The following CLEC16A variants were observed in gnomAD, a reference collection of about 807,000 sequenced individuals.
CLEC16A encodes the protein protein CLEC16A.
In CLEC16A, 51 loss-of-function variants were observed where a neutral mutation model predicts 109.5. That is an observed-to-expected ratio of 0.47 (90% CI 0.37 to 0.59). CLEC16A has a LOEUF of 0.59. Among genes scored for constraint, CLEC16A ranks in the 20% least tolerant of loss-of-function variants. CLEC16A has a pLI of 0.00. For synonymous variants in CLEC16A, 673 were observed against 564.2 expected (o/e 1.19, Z -2.73); for missense variants, 1,339 against 1,394.0 (o/e 0.96, Z 0.63).
intron 19 of CLEC16A, among the ~76,000 whole-genome samples, chr16:11,068,976 G>A (rs2048910437): frequency 6.7e-6 from 1 of 150,236 alleles, no homozygotes; most frequent in Admixed American, 6.6e-5. Context: ...CATCACGCCT[G>A]GCTAATTTTC....
chr16:11,033,993 A>AC (rs779677841), intron 13 of CLEC16A, among the ~76,000 whole-genome samples: 27 of 152,096 alleles, frequency 1.8e-4, no homozygotes, highest in Non-Finnish European at 2.8e-4. Context: ...TCAGTGACCA[A>AC]CCTTCTACTC....
rs2068841691 is a variant in CLEC16A at position 11,178,342 on chromosome 16, C to G, written c.2814C>G (p.Pro938=). The G allele has an allele frequency of 6.2e-7, 1 of 1,605,166 alleles. No individual in the cohort carries two copies. The highest frequency in any genetic ancestry group is 8.5e-7 in the Non-Finnish European group (1 of 1,173,072). Residue 938 remains proline (P), a synonymous_variant, in exon 24 of 24, where the codon CCC becomes CCG. Coordinates refer to ENST00000409790, the MANE Select transcript of CLEC16A (RefSeq NM_015226.3). The surrounding 1 kb of genome is among the most constrained non-coding windows in gnomAD (Gnocchi z 6.5). Reference sequence around the variant, plus strand: ...TTTTCTCCCCCAATCCAGATGCCCCCATGAGTCCAGAACTGCCTAAGCCTC... The same window carrying G: ...TTTTCTCCCCCAATCCAGATGCCCCGATGAGTCCAGAACTGCCTAAGCCTC... ...PSTAQSPADA[P]MSPELPKPHL...
At chr16:11,140,489 A>G (rs748810991) in intron 22 of CLEC16A, among the ~76,000 whole-genome samples, 45 of 152,334 alleles carry the variant, frequency 3.0e-4, no homozygotes, top group Admixed American at 1.9e-3. Flanking sequence ...GGCTCAGCAC[A>G]GTGGTCTAGC....
At chr16:11,166,188 A>C (rs1443427066) in intron 22 of CLEC16A, among the ~76,000 whole-genome samples, 200 bp from the exon 23 acceptor site, 4 of 152,196 alleles carry the variant, frequency 2.6e-5, no homozygotes, top group Admixed American at 6.5e-5. Context: ...TCCTTGAAAT[A>C]AACCTGTAAT....
chr16:10,971,336 T>C (rs1053567904), intron 5 of CLEC16A, 106 bp downstream of exon 5: 29 of 889,342 alleles, frequency 3.3e-5, no homozygotes, highest in South Asian at 2.5e-4. Context: ...AGGGAGCACA[T>C]TGATGATGAG....
intron 3 of CLEC16A, among the ~76,000 whole-genome samples, chr16:10,967,472 T>C (rs1009039754): frequency 6.6e-6 from 1 of 152,190 alleles, no homozygotes; most frequent in Non-Finnish European, 1.5e-5. Context: ...CGATCATGGC[T>C]CACTGCAGCC....
chr16:11,081,406 C>T (rs1334442781), intron 19 of CLEC16A, among the ~76,000 whole-genome samples: 1 of 152,202 alleles, frequency 6.6e-6, no homozygotes, highest in African/African-American at 2.4e-5. Flanking sequence ...CCAGCCACAT[C>T]CTGCCCTTCT....
In CLEC16A at chr16:11,174,758, G is replaced by A. The variant is rs889255031; in HGVS notation, c.2807-3577G>A. Among the ~76,000 whole-genome samples the A allele has an allele frequency of 5.3e-5, 8 of 152,234 alleles. No homozygotes were observed. The highest frequency in any genetic ancestry group is 7.3e-5 in the Non-Finnish European group (5 of 68,042). Reference sequence around the variant, plus strand: ...CTTTCTTCCCCTAGTCTTGATCTAAGATAAGTGGCAAATTCAGTCCTGTTT... The same window carrying A: ...CTTTCTTCCCCTAGTCTTGATCTAAAATAAGTGGCAAATTCAGTCCTGTTT... On this transcript the variant is annotated intron_variant, in intron 23 of 23. Transcript: ENST00000409790. The surrounding 1 kb of genome is among the most constrained non-coding windows in gnomAD (Gnocchi z 4.7).
intron 18 of CLEC16A, 49 bp from the exon 19 acceptor site, chr16:11,060,853 A>T: frequency 6.6e-7 from 1 of 1,515,996 alleles, no homozygotes; most frequent in Non-Finnish European, 8.9e-7. Context: ...ATCTCACTGA[A>T]ATGACTCTGC....
At chr16:11,170,093 G>A (rs971016724) in intron 23 of CLEC16A, among the ~76,000 whole-genome samples, 7 of 152,150 alleles carry the variant, frequency 4.6e-5, no homozygotes, top group African/African-American at 1.2e-4. Flanking sequence ...TATCCGATGC[G>A]GTTTCCAAGA....
At chr16:11,125,808 T>A (rs1325958605) in intron 21 of CLEC16A, among the ~76,000 whole-genome samples, 171 bp from the exon 22 acceptor site, 1 of 152,154 alleles carries the variant, frequency 6.6e-6, no homozygotes, top group African/African-American at 2.4e-5. Context: ...CAGTGGGAAC[T>A]TTGATGTTCC....
At chr16:11,138,603 G>A (rs1354951457) in intron 22 of CLEC16A, among the ~76,000 whole-genome samples, 1 of 152,222 alleles carries the variant, frequency 6.6e-6, no homozygotes, top group African/African-American at 2.4e-5. Context: ...GTGGGCGGAT[G>A]AGAAAAGTCC....
In CLEC16A at chr16:10,972,989, A is replaced by C; in HGVS notation, c.656A>C (p.Tyr219Ser). 1 of 1,611,026 alleles carries C rather than the reference A, an allele frequency of 6.2e-7. No individual in the cohort carries two copies. The highest frequency in any genetic ancestry group is 8.5e-7 in the Non-Finnish European group (1 of 1,179,132). Residue 219 changes from tyrosine (Y) to serine (S), a missense_variant, in exon 7 of 24, where the codon TAC becomes TCC. By Grantham distance (144) the Tyr-to-Ser change is moderately radical. Coordinates refer to ENST00000409790, the MANE Select transcript of CLEC16A (RefSeq NM_015226.3). ...HYIRDKTAVPYFSNLVWFIGS... is the reference protein window; with the variant it reads ...HYIRDKTAVPSFSNLVWFIGS... ...ATCCGAGATAAAACTGCTGTTCCTT[A>C]CTTCTCCAATTTGGTCTGGTTCATT... is the stretch of plus-strand genomic sequence containing the variant.
At chr16:11,079,964 C>CA (rs2049605694) in intron 19 of CLEC16A, among the ~76,000 whole-genome samples, 1 of 152,204 alleles carries the variant, frequency 6.6e-6, no homozygotes, top group African/African-American at 2.4e-5. Flanking sequence ...CCCCTGTTGC[C>CA]ACTTCCTGAG....
chr16:11,049,194 G>A (rs1302866987), intron 17 of CLEC16A, among the ~76,000 whole-genome samples: 1 of 152,048 alleles, frequency 6.6e-6, no homozygotes, highest in Non-Finnish European at 1.5e-5. Flanking sequence ...TTTTAGTAGA[G>A]ACGGGGTTTC....
At chr16:11,146,754 C>T (rs566938725) in intron 22 of CLEC16A, among the ~76,000 whole-genome samples, 39 of 121,060 alleles carry the variant, frequency 3.2e-4, no homozygotes, top group Non-Finnish European at 6.0e-4. Flanking sequence ...GGGTGGATGG[C>T]CGGATGGGAG....
intron 10 of CLEC16A, among the ~76,000 whole-genome samples, chr16:10,997,918 G>A (rs1201676511): frequency 6.6e-6 from 1 of 152,166 alleles, no homozygotes; most frequent in Non-Finnish European, 1.5e-5. Flanking sequence ...TGCAGCCTGT[G>A]TCCAGGTCTT....
intron 19 of CLEC16A, among the ~76,000 whole-genome samples, chr16:11,067,902 C>A (rs1389157285): frequency 6.6e-6 from 1 of 152,194 alleles, no homozygotes; most frequent in Non-Finnish European, 1.5e-5. Context: ...CCAGTTGGAT[C>A]CGGCGTGTTC....
At chr16:11,051,205 C>T (rs1161211745) in intron 17 of CLEC16A, among the ~76,000 whole-genome samples, 1 of 152,214 alleles carries the variant, frequency 6.6e-6, no homozygotes, top group Non-Finnish European at 1.5e-5. Context: ...CTGAGAATCC[C>T]TGTCCCTGCT....
Sources: allele counts gnomAD v4.1 joint callset (sites outside exome capture counted in the v4.1 genomes callset), GRCh38; gene constraint gnomAD v4.1.1; non-coding constraint Gnocchi (gnomAD v3.1); transcripts MANE v1.5; gene names NCBI Gene and HGNC (gene_info 2026-07-23, HGNC 2026-07-21).